The following SHISA6 variants were observed in gnomAD, a reference collection of about 807,000 sequenced individuals.
SHISA6 encodes the protein shisa family member 6.
Under a neutral mutation model 47.9 loss-of-function variants are expected in SHISA6, and 22 were observed. The ratio of observed to expected loss-of-function variants is 0.46; its 90% CI spans 0.33 to 0.66. SHISA6 has a LOEUF of 0.66. Among genes scored for constraint, SHISA6 ranks in the 30% least tolerant of loss-of-function variants. The pLI, the probability that SHISA6 is intolerant of heterozygous loss-of-function variation, is 0.02. For missense variants in SHISA6, 680 were observed against 764.6 expected (o/e 0.89, Z 1.30); for synonymous variants, 388 against 337.8 (o/e 1.15, Z -1.63).
chr17:11,393,673 T>C (rs1170105374), intron 3 of SHISA6, among the ~76,000 whole-genome samples: 1 of 152,192 alleles, frequency 6.6e-6, no homozygotes, highest in Non-Finnish European at 1.5e-5. Flanking sequence ...AATGCTGAGC[T>C]CAAAACTCTG....
At chr17:11,352,294 A>G (rs186533715) in intron 2 of SHISA6, among the ~76,000 whole-genome samples, 8 of 152,244 alleles carry the variant, frequency 5.3e-5, no homozygotes, top group African/African-American at 1.9e-4. Flanking sequence ...ATATTGAGAA[A>G]TCAAAGGAGG....
chr17:11,314,960 A>G (rs763250586), intron 2 of SHISA6, among the ~76,000 whole-genome samples: 8 of 152,154 alleles, frequency 5.3e-5, no homozygotes, highest in Non-Finnish European at 8.8e-5. Flanking sequence ...ACTTCTCTTT[A>G]TGACTTCTAG....
At chr17:11,333,133 G>A (rs981879239) in intron 2 of SHISA6, among the ~76,000 whole-genome samples, 11 of 152,134 alleles carry the variant, frequency 7.2e-5, no homozygotes, top group African/African-American at 2.2e-4. Context: ...GGGACTGATC[G>A]TGCATTATAA....
At chr17:11,267,037 C>T (rs1228068092) in intron 2 of SHISA6, among the ~76,000 whole-genome samples, 3 of 152,282 alleles carry the variant, frequency 2.0e-5, no homozygotes, top group East Asian at 1.9e-4. Context: ...TGCGTAATAG[C>T]GAATGGATCC....
At chr17:11,313,717 G>A (rs1910411415) in intron 2 of SHISA6, among the ~76,000 whole-genome samples, 1 of 152,126 alleles carries the variant, frequency 6.6e-6, no homozygotes, top group Non-Finnish European at 1.5e-5. Context: ...GGAAATTGAG[G>A]TGGTGTTGCT....
At chr17:11,420,117 T>C (rs1310604129) in intron 3 of SHISA6, among the ~76,000 whole-genome samples, 1 of 152,072 alleles carries the variant, frequency 6.6e-6, no homozygotes, top group Non-Finnish European at 1.5e-5. Flanking sequence ...GGCAGGAGAA[T>C]CACTTGAACC....
intron 3 of SHISA6, among the ~76,000 whole-genome samples, chr17:11,399,085 G>T (rs73975391): frequency 1.3e-5 from 2 of 151,804 alleles, no homozygotes; most frequent in Non-Finnish European, 2.9e-5. Flanking sequence ...CTGTTTTCCA[G>T]TTATGCTAAA....
intron 3 of SHISA6, among the ~76,000 whole-genome samples, chr17:11,490,922 A>G (rs17773608): frequency 0.032 from 4,848 of 152,362 alleles, 105 homozygotes; most frequent in Non-Finnish European, 0.046. Context: ...AGCAAGCCCT[A>G]TCTGGGCCAT....
At position 11,433,414 on chromosome 17, in the gene SHISA6, A is replaced by T. The variant is rs544998893; in HGVS notation, c.895+53905A>T. Among the ~76,000 whole-genome samples the T allele has an allele frequency of 3.9e-5, 6 of 152,270 alleles. No homozygotes were observed. In the South Asian group the frequency reaches 1.2e-3, roughly 32 times the overall value. ...GTGTCCCTGCAAAGGACATGAACTC[A>T]TCCTTTTTTATGGCTGCATAGTATT... On this transcript the variant is annotated intron_variant, in intron 3 of 5. Coordinates refer to ENST00000441885, the MANE Select transcript of SHISA6 (RefSeq NM_207386.4).
At chr17:11,433,759 A>C (rs1307070086) in intron 3 of SHISA6, among the ~76,000 whole-genome samples, 1 of 152,148 alleles carries the variant, frequency 6.6e-6, no homozygotes, top group East Asian at 1.9e-4. Flanking sequence ...ATCCACTTGT[A>C]AGAGAGACCT....
intron 2 of SHISA6, among the ~76,000 whole-genome samples, chr17:11,325,149 G>A (rs1158919115): frequency 6.6e-6 from 1 of 152,188 alleles, no homozygotes; most frequent in African/African-American, 2.4e-5. Context: ...GATCACCCCA[G>A]ATGGAAATGA....
intron 2 of SHISA6, among the ~76,000 whole-genome samples, chr17:11,269,023 C>T (rs545080441): frequency 1.3e-4 from 19 of 151,542 alleles, no homozygotes; most frequent in Non-Finnish European, 2.2e-4. Context: ...GTATCCGGTG[C>T]CCAGTTTTTT....
chr17:11,254,797 A>G lies in SHISA6; in HGVS notation c.639-8569A>G, dbSNP rs1231965398. Among the ~76,000 whole-genome samples the G allele has an allele frequency of 2.6e-5, 4 of 152,244 alleles. No homozygotes were observed. The East Asian group carries it at 7.7e-4, about 29-fold the overall frequency. ...TTTGAAGATGGCATTCAAGGCCCACATTCAGTCTTCCCTTCTCCCTAATAA... is the reference window on the plus strand; with the variant it reads ...TTTGAAGATGGCATTCAAGGCCCACGTTCAGTCTTCCCTTCTCCCTAATAA... On this transcript the variant is annotated intron_variant, in intron 1 of 5. Transcript: ENST00000441885.
chr17:11,547,242 T>C (rs1025785072), intron 3 of SHISA6, among the ~76,000 whole-genome samples: 23 of 152,182 alleles, frequency 1.5e-4, no homozygotes, highest in Admixed American at 1.3e-3. Flanking sequence ...GTCAATTTTG[T>C]ACTCTACCAA....
rs73286891 is a variant in SHISA6 at position 11,534,582 on chromosome 17, C to G, written c.896-17314C>G. The stretch of plus-strand genomic sequence containing the variant: ...ATAACACAATGTAGAAAGTGGTAAG[C>G]ACCCCCAAGAAATGACAGAGCAGAG... On this transcript the variant is annotated intron_variant, in intron 3 of 5. Transcript: ENST00000441885. Among the ~76,000 whole-genome samples, 655 of 152,182 alleles carry G rather than the reference C, an allele frequency of 4.3e-3. 3 individuals are homozygous for G. The highest frequency in any genetic ancestry group is 0.015 in the African/African-American group (620 of 41,512).
chr17:11,484,236 A>C (rs2142332921), intron 3 of SHISA6, among the ~76,000 whole-genome samples: 1 of 152,340 alleles, frequency 6.6e-6, no homozygotes, highest in African/African-American at 2.4e-5. Flanking sequence ...TAATTAAATA[A>C]AAGCAGAATT....
chr17:11,387,130 A>C (rs539366523), intron 3 of SHISA6, among the ~76,000 whole-genome samples: 24 of 152,274 alleles, frequency 1.6e-4, no homozygotes, highest in African/African-American at 4.8e-4. Context: ...GATGGAGACA[A>C]GGCCAGAATG....
Position 11,361,522 on chromosome 17 carries a change from G to A in SHISA6, c.800-17892G>A, listed in dbSNP as rs114712958. Among the ~76,000 whole-genome samples, 581 of 152,306 alleles carry A rather than the reference G, an allele frequency of 3.8e-3. 8 individuals are homozygous for A. Among genetic ancestry groups the A allele is most frequent in the Middle Eastern group, 0.02 (6 of 294 alleles). On this transcript the variant is annotated intron_variant, in intron 2 of 5. Transcript: ENST00000441885. ...GCATGTCCGTGGACTGTAACTCCAA[G>A]TGAGTGAAAAGCTGAGGTAATTAAG...
At chr17:11,549,824 T>A (rs1019532378) in intron 3 of SHISA6, among the ~76,000 whole-genome samples, 2 of 152,156 alleles carry the variant, frequency 1.3e-5, no homozygotes, top group Non-Finnish European at 2.9e-5. Flanking sequence ...CAAAACCTCA[T>A]TGGAACTAGT....
Sources: gnomAD v4.1 joint callset for allele counts (sites outside exome capture counted in the v4.1 genomes callset) on GRCh38, gnomAD v4.1.1 for gene constraint, MANE v1.5 for transcripts, NCBI Gene and HGNC (gene_info 2026-07-23, HGNC 2026-07-21) for gene names.